Variants in PTGDR observed in about 807,000 individuals in gnomAD.
The protein encoded by PTGDR is prostaglandin D2 receptor, also known as PGD2 receptor.
Under a neutral mutation model 17.4 loss-of-function variants are expected in PTGDR, and 19 were observed. The observed-to-expected ratio is 1.09, with a 90% CI of 0.76 to 1.60. The LOEUF is 1.60. PTGDR is among the 40% of genes most tolerant of loss of function. PTGDR has a pLI of 0.00. For missense variants in PTGDR, 526 were observed against 481.9 expected (o/e 1.09, Z -0.86); for synonymous variants, 267 against 224.2 (o/e 1.19, Z -1.71).
rs201641560 is a variant in PTGDR at position 52,268,599 on chromosome 14, A to T, written c.785A>T (p.Asp262Val). The T allele has an allele frequency of 6.2e-7, 1 of 1,610,072 alleles. No homozygotes were observed. The highest frequency in any genetic ancestry group is 8.5e-7 in the Non-Finnish European group (1 of 1,178,444). The stretch of plus-strand genomic sequence containing the variant: ...TCCCCTCAGCCCCTGGAGGAGCTGG[A>T]TCACCTCCTGCTGCTGGCGCTGATG... The part of the protein sequence containing the change: ...EASPQPLEEL[D>V]HLLLLALMTV... Residue 262 changes from aspartate to valine, a missense_variant, in exon 1 of 2, where the codon GAT becomes GTT. Transcript: ENST00000306051.
chr14:52,277,884 CA>C (rs372925988), downstream of PTGDR, among the ~76,000 whole-genome samples: 177 of 152,142 alleles, frequency 1.2e-3, no homozygotes, highest in African/African-American at 4.1e-3. Context: ...AGAAAAATAC[CA>C]AAAAAAGACA....
rs2033401401 is a variant in PTGDR at position 52,275,189 on chromosome 14, C to T, written c.*225C>T. ...ATTTTCATTTTTTTATTAACAGCAA[C>T]TAAAATTTTATATATTGTAACCAGT... is the stretch of plus-strand genomic sequence containing the variant. On this transcript the variant is annotated 3_prime_UTR_variant, in exon 2 of 2. Coordinates refer to ENST00000306051, the MANE Select transcript of PTGDR (RefSeq NM_000953.3). 1 of 457,044 alleles carries T rather than the reference C, an allele frequency of 2.2e-6. No individual in the cohort carries two copies. Among genetic ancestry groups the T allele is most frequent in the African/African-American group, 2.0e-5 (1 of 50,908 alleles). 28.3% of individuals were successfully genotyped at this position (457,044 alleles called of 1,614,324 possible). A position where few individuals can be genotyped will look rare whatever the true frequency, so the allele number is the denominator to read the frequency against.
At chr14:52,278,360 C>A (rs531318457), downstream of PTGDR, among the ~76,000 whole-genome samples, 1 of 152,082 alleles carries the variant, frequency 6.6e-6, no homozygotes, top group African/African-American at 2.4e-5. Flanking sequence ...AGCAAACTAT[C>A]GCAAAGACAA....
At chr14:52,278,901 T>C (rs1393006175), downstream of PTGDR, among the ~76,000 whole-genome samples, 1 of 150,658 alleles carries the variant, frequency 6.6e-6, no homozygotes, top group Non-Finnish European at 1.5e-5. Flanking sequence ...GATTGAATAT[T>C]TTCTAACTCT....
chr14:52,268,003 G>A lies in PTGDR; in HGVS notation c.189G>A (p.Met63Ile). Residue 63 changes from methionine (M) to isoleucine (I), a missense_variant, in exon 1 of 2, where the codon ATG (methionine) becomes ATA (isoleucine). Met to Ile is a conservative substitution (Grantham distance 10, BLOSUM62 1). Transcript: ENST00000306051. ...PLRPLPSVFY[M>I]LVCGLTVTDL... ...GCCCGCTGCCCTCGGTCTTCTACATGCTGGTGTGTGGCCTGACGGTCACCG... is the reference window on the plus strand; with the variant it reads ...GCCCGCTGCCCTCGGTCTTCTACATACTGGTGTGTGGCCTGACGGTCACCG... The A allele has an allele frequency of 6.2e-7, 1 of 1,610,142 alleles. No individual in the cohort carries two copies. Among genetic ancestry groups the A allele is most frequent in the Non-Finnish European group, 8.5e-7 (1 of 1,179,996 alleles).
intron 1 of PTGDR, among the ~76,000 whole-genome samples, chr14:52,274,509 T>A (rs2140008610): frequency 6.6e-6 from 1 of 152,270 alleles, no homozygotes; most frequent in Middle Eastern, 3.4e-3. Context: ...CTCCGACAAG[T>A]ACTCAGCTTC....
chr14:52,267,853 T>C lies in PTGDR; in HGVS notation c.39T>C (p.Ser13=), dbSNP rs199598021. ...TCTACCGCTGCCAGAACACCACCTCTGTGGAAAAAGGCAACTCGGCGGTGA... is the reference window on the plus strand; with the variant it reads ...TCTACCGCTGCCAGAACACCACCTCCGTGGAAAAAGGCAACTCGGCGGTGA... ...SPFYRCQNTT[S]VEKGNSAVMG... Residue 13 remains serine (S), a synonymous_variant, in exon 1 of 2, where the codon TCT becomes TCC. Coordinates refer to ENST00000306051, the MANE Select transcript of PTGDR (RefSeq NM_000953.3). 6.3e-7 allele frequency: 1 copy of C among 1,594,348 alleles called. No homozygotes were observed. Among genetic ancestry groups the C allele is most frequent in the Non-Finnish European group, 8.6e-7 (1 of 1,169,256 alleles).
At chr14:52,276,901 A>G (rs1566485406), downstream of PTGDR, among the ~76,000 whole-genome samples, 3 of 152,104 alleles carry the variant, frequency 2.0e-5, no homozygotes, top group Non-Finnish European at 4.4e-5. Flanking sequence ...CTTACATTTC[A>G]TTACTTTACA....
chr14:52,274,834 T>A lies in PTGDR; in HGVS notation c.950T>A (p.Ile317Asn). The change falls in exon 2 of 2, where the codon ATT becomes AAT. Residue 317 changes from isoleucine to asparagine, a missense_variant. Transcript: ENST00000306051. The part of the protein sequence containing the change: ...RALRFLSVIS[I>N]VDPWIFIIFR... ...TTGCGATTTCTATCTGTGATTTCAA[T>A]TGTGGACCCTTGGATTTTTATCATT... The A allele has an allele frequency of 6.2e-7, 1 of 1,611,524 alleles. No homozygotes were observed. Among genetic ancestry groups the A allele is most frequent in the Non-Finnish European group, 8.5e-7 (1 of 1,177,562 alleles).
At position 52,267,945 on chromosome 14, in the gene PTGDR, C is replaced by T. The variant is rs1263173931; in HGVS notation, c.131C>T (p.Ser44Leu). 6 of 1,609,600 alleles carry T rather than the reference C, an allele frequency of 3.7e-6. No homozygotes were observed. In the African/African-American group the frequency reaches 5.3e-5, roughly 14 times the overall value. Residue 44 changes from serine to leucine, a missense_variant, in exon 1 of 2, where the codon TCG (serine) becomes TTG (leucine). Physicochemically the swap from Ser to Leu is moderately radical, Grantham distance 145. Transcript: ENST00000306051. ...CTGGCCCTGGGGCTGCTGGCGCGCT[C>T]GGGGCTGGGGTGGTGCTCGCGGCGT... ...NLLALGLLAR[S>L]GLGWCSRRPL...
In PTGDR at chr14:52,275,703, A is replaced by G. The variant is rs1048092585; in HGVS notation, c.*739A>G. 1 of 152,548 alleles carries G rather than the reference A, an allele frequency of 6.6e-6. No homozygotes were observed. Among genetic ancestry groups the G allele is most frequent in the African/African-American group, 2.4e-5 (1 of 41,472 alleles). The allele number at this position is 152,548 out of a possible 1,614,324, so 9.4% of individuals were successfully genotyped here. A position where few individuals can be genotyped will look rare whatever the true frequency, so the allele number is the denominator to read the frequency against. On this transcript the variant is annotated 3_prime_UTR_variant, in exon 2 of 2. Coordinates refer to ENST00000306051, the MANE Select transcript of PTGDR (RefSeq NM_000953.3). ...TTTGTATTGAGTCAAGGGTGTCAGT[A>G]GGAATCAAAAGTTGGGGGTGGGTTG... is the stretch of plus-strand genomic sequence containing the variant.
chr14:52,270,116 T>G (rs900355988), intron 1 of PTGDR, among the ~76,000 whole-genome samples: 7 of 152,194 alleles, frequency 4.6e-5, no homozygotes, highest in Admixed American at 2.0e-4. Context: ...TTAAGAATAA[T>G]TCTTACAAAT....
chr14:52,268,223 C>A lies in PTGDR; in HGVS notation c.409C>A (p.Pro137Thr). ...ALECWLSLGH[P>T]FFYRRHITLR... ...GGAGTGCTGGCTCTCCCTAGGGCAC[C>A]CTTTCTTCTACCGACGGCACATCAC... The change falls in exon 1 of 2, where the codon CCT becomes ACT. Residue 137 changes from proline (P) to threonine (T), a missense_variant. Pro to Thr is a conservative substitution (Grantham distance 38). Coordinates refer to ENST00000306051, the MANE Select transcript of PTGDR (RefSeq NM_000953.3). 1 of 1,614,096 alleles carries A rather than the reference C, an allele frequency of 6.2e-7. No individual in the cohort carries two copies. The highest frequency in any genetic ancestry group is 1.1e-5 in the South Asian group (1 of 91,088).
chr14:52,279,455 A>C (rs1181178832), downstream of PTGDR, among the ~76,000 whole-genome samples: 1 of 152,214 alleles, frequency 6.6e-6, no homozygotes, highest in Non-Finnish European at 1.5e-5. Flanking sequence ...TGTAAAAACA[A>C]CTTTGTCTTA....
In PTGDR at chr14:52,274,778, G is replaced by A. The variant is rs41312502; in HGVS notation, c.894G>A (p.Arg298=). Residue 298 remains arginine, a synonymous_variant, in exon 2 of 2, where the codon AGG becomes AGA. Transcript: ENST00000306051. Reference sequence around the variant, plus strand: ...TTAAGGATGTCAAGGAGAAAAACAGGACCTCTGAAGAAGCAGAAGACCTCC... The same window carrying A: ...TTAAGGATGTCAAGGAGAAAAACAGAACCTCTGAAGAAGCAGAAGACCTCC... ...GAFKDVKEKN[R]TSEEAEDLRA... 7,779 of 1,613,764 alleles carry A rather than the reference G, an allele frequency of 4.8e-3. 30 individuals carry two copies. The highest frequency in any genetic ancestry group is 0.01 in the Middle Eastern group (62 of 6,062).
At chr14:52,270,570 A>G (rs2033306423) in intron 1 of PTGDR, among the ~76,000 whole-genome samples, 1 of 152,174 alleles carries the variant, frequency 6.6e-6, no homozygotes, top group Non-Finnish European at 1.5e-5. Context: ...AATTATTAAT[A>G]CATTTTGAAT....
chr14:52,274,883 AT>A lies in PTGDR; in HGVS notation c.1005del (p.His336ThrfsTer34), dbSNP rs1367087640. On this transcript the variant is annotated frameshift_variant, in exon 2 of 2. Transcript: ENST00000306051. LOFTEE classifies it high-confidence loss of function. ...IIFRSPVFRI[F>X]FHKIFIRPLR... ...TTTTCAGATCTCCAGTATTTCGGATATTTTTTCACAAGATTTTCATTAGACC... is the reference window on the plus strand; with the variant it reads ...TTTTCAGATCTCCAGTATTTCGGATATTTTTCACAAGATTTTCATTAGACC... 2 of 1,608,780 alleles carry A rather than the reference AT, an allele frequency of 1.2e-6. No homozygotes were observed. Among genetic ancestry groups the A allele is most frequent in the Non-Finnish European group, 1.7e-6 (2 of 1,175,284 alleles).
In PTGDR at chr14:52,267,976, G is replaced by A; in HGVS notation, c.162G>A (p.Leu54=). Residue 54 remains leucine, a synonymous_variant, in exon 1 of 2, where the codon CTG becomes CTA. Transcript: ENST00000306051. ...SGLGWCSRRP[L]RPLPSVFYML... is the part of the protein sequence containing the mutation. ...TGGGGTGGTGCTCGCGGCGTCCACT[G>A]CGCCCGCTGCCCTCGGTCTTCTACA... The A allele has an allele frequency of 6.2e-7, 1 of 1,609,364 alleles. No individual in the cohort carries two copies. The highest frequency in any genetic ancestry group is 1.3e-5 in the African/African-American group (1 of 75,044).
In PTGDR at chr14:52,267,744, T is replaced by G. The variant is rs201914620; in HGVS notation, c.-71T>G. The G allele has an allele frequency of 6.9e-7, 1 of 1,456,428 alleles. No homozygotes were observed. The highest frequency in any genetic ancestry group is 1.5e-5 in the South Asian group (1 of 66,890). The allele number at this position is 1,456,428 out of a possible 1,614,324, so 90.2% of individuals were successfully genotyped here. On this transcript the variant is annotated 5_prime_UTR_variant, in exon 1 of 2. Coordinates refer to ENST00000306051, the MANE Select transcript of PTGDR (RefSeq NM_000953.3). ...AGCCGCGCGCGGAGCTGCCGGGGGC[T>G]CCTTAGCACCCGGGCGCCGGGGCCC...
Sources: allele counts gnomAD v4.1 joint callset (sites outside exome capture counted in the v4.1 genomes callset), GRCh38; gene constraint gnomAD v4.1.1; transcripts MANE v1.5; gene names NCBI Gene and HGNC (gene_info 2026-07-23, HGNC 2026-07-21).